MGAT4D: variants seen among roughly 807,000 people sequenced by gnomAD.
MGAT4D encodes the protein alpha-1,3-mannosyl-glycoprotein 4-beta-N-acetylglucosaminyltransferase-like protein MGAT4D.
In MGAT4D, 34 loss-of-function variants were observed where a neutral mutation model predicts 15.9. That is an observed-to-expected ratio of 2.14 (90% confidence interval 1.62 to 2.84). MGAT4D has a LOEUF of 2.84. Among genes scored for constraint, MGAT4D ranks in the 30% most tolerant of loss-of-function variants. The pLI is 0.00. For missense variants in MGAT4D, 327 were observed against 140.2 expected (o/e 2.33, Z -6.73); for synonymous variants, 112 against 48.2 (o/e 2.33, Z -5.49).
chr4:140,486,266 ATT>A (rs1733121468), intron 1 of MGAT4D, among the ~76,000 whole-genome samples: 1 of 140,316 alleles, frequency 7.1e-6, no homozygotes, highest in Non-Finnish European at 1.5e-5. Context: ...AAGGTCCCTA[ATT>A]TCATTGTTTT....
intron 4 of MGAT4D, among the ~76,000 whole-genome samples, chr4:140,474,329 G>A (rs1732172639): frequency 6.6e-6 from 1 of 152,108 alleles, no homozygotes; most frequent in Non-Finnish European, 1.5e-5. Flanking sequence ...TGTAATGCAG[G>A]TTATAAATGT....
chr4:140,449,530 C>T (rs1023860066), intron 10 of MGAT4D, among the ~76,000 whole-genome samples: 3 of 152,112 alleles, frequency 2.0e-5, no homozygotes, highest in Non-Finnish European at 4.4e-5. Flanking sequence ...GAGGCTGAGA[C>T]AGGCAGATCA....
intron 5 of MGAT4D, among the ~76,000 whole-genome samples, chr4:140,468,139 A>T (rs1731672490): frequency 6.6e-6 from 1 of 152,026 alleles, no homozygotes; most frequent in Non-Finnish European, 1.5e-5. Flanking sequence ...TATTATTCAC[A>T]TTTTAAATTA....
intron 1 of MGAT4D, among the ~76,000 whole-genome samples, chr4:140,483,804 T>G (rs1174136615): frequency 6.6e-6 from 1 of 151,968 alleles, no homozygotes; most frequent in Non-Finnish European, 1.5e-5. Context: ...AAACTGGATA[T>G]CCACATGCAG....
intron 8 of MGAT4D, chr4:140,456,927 G>A (rs951463321): frequency 3.4e-5 from 10 of 292,824 alleles, no homozygotes; most frequent in Non-Finnish European, 5.7e-5. Context: ...GAGAATATAA[G>A]CAGGTTTAGA....
chr4:140,476,605 A>C (rs1472137581), intron 3 of MGAT4D, among the ~76,000 whole-genome samples: 3 of 152,190 alleles, frequency 2.0e-5, no homozygotes, highest in Non-Finnish European at 4.4e-5. Context: ...ACAAGAATTT[A>C]AAAGGCCCTT....
rs1730368543 is a variant in MGAT4D, at chr4:140,449,929, T to C, written c.1116+1481A>G. On this transcript the variant is annotated intron_variant, in intron 10 of 10. Transcript: ENST00000511113. ...TAACTTAAAATTAAATTAATAAATA[T>C]CTGATGATTGTCTATATATTTATAC... The C allele has an allele frequency of 1.4e-5, 3 of 218,550 alleles. 1 individual carries two copies. Among genetic ancestry groups the C allele is most frequent in the South Asian group, 3.7e-4 (2 of 5,430 alleles). 13.5% of individuals were successfully genotyped at this position (218,550 alleles called of 1,614,324 possible).
intron 10 of MGAT4D, among the ~76,000 whole-genome samples, chr4:140,449,668 G>A (rs2011018): frequency 0.88 from 134,594 of 152,176 alleles, 60,340 homozygotes; most frequent in East Asian, 0.99. Flanking sequence ...GCTGAGGCAG[G>A]AGAATGGCGT....
chr4:140,449,366 ATTAAG>A lies in MGAT4D; in HGVS notation c.1116+2039_1116+2043del, dbSNP rs904727897. Among the ~76,000 whole-genome samples, 91 of 152,348 alleles carry A rather than the reference ATTAAG, an allele frequency of 6.0e-4. 1 individual carries two copies. Among genetic ancestry groups the A allele is most frequent in the East Asian group, 1.9e-4 (1 of 5,196 alleles). ...CACTAAAAAGGCATATTTTTGTTTT[ATTAAG>A]TTATTATTTTTTGAACTACAAGCTA... On this transcript the variant is annotated intron_variant, in intron 10 of 10. Coordinates refer to ENST00000511113, the MANE Select transcript of MGAT4D (RefSeq NM_001277353.2).
intron 10 of MGAT4D, among the ~76,000 whole-genome samples, chr4:140,450,282 T>A (rs567815815): frequency 2.0e-5 from 3 of 152,322 alleles, no homozygotes; most frequent in Admixed American, 1.3e-4. Flanking sequence ...TAATATGCCA[T>A]GAATTTACAA....
chr4:140,491,135 A>G (rs1328670865), intron 1 of MGAT4D, among the ~76,000 whole-genome samples: 1 of 152,236 alleles, frequency 6.6e-6, no homozygotes, highest in East Asian at 1.9e-4. Flanking sequence ...TAAATTCCAC[A>G]GGACATTTCA....
intron 1 of MGAT4D, among the ~76,000 whole-genome samples, chr4:140,487,044 T>C (rs889880535): frequency 6.6e-6 from 1 of 152,204 alleles, no homozygotes; most frequent in African/African-American, 2.4e-5. Context: ...AGAAAGAGTT[T>C]TCTCCAGAGG....
chr4:140,460,701 G>T (rs1731117986), intron 7 of MGAT4D, among the ~76,000 whole-genome samples: 1 of 152,198 alleles, frequency 6.6e-6, no homozygotes, highest in Non-Finnish European at 1.5e-5. Context: ...GTCGGGTGTT[G>T]TGGTGTGCAC....
At chr4:140,492,856 T>C (rs72941722) in intron 1 of MGAT4D, among the ~76,000 whole-genome samples, 2 of 151,950 alleles carry the variant, frequency 1.3e-5, no homozygotes, top group African/African-American at 2.4e-5. Context: ...AAAAGACACA[T>C]AATAAGTCTT....
Position 140,484,872 on chromosome 4 carries a change from G to C in MGAT4D, c.95-2387C>G, listed in dbSNP as rs2126841053. On this transcript the variant is annotated intron_variant, in intron 1 of 10. Coordinates refer to ENST00000511113, the MANE Select transcript of MGAT4D (RefSeq NM_001277353.2). ...ATGAGATACCATTTCACACCAGTTA[G>C]AATGGCGATCATTAAAAAGTCAGGA... Among the ~76,000 whole-genome samples the C allele has an allele frequency of 1.3e-5, 2 of 152,340 alleles. 1 individual carries two copies. Among genetic ancestry groups the C allele is most frequent in the Non-Finnish European group, 2.9e-5 (2 of 68,038 alleles).
At chr4:140,452,059 G>A (rs1201915639) in intron 9 of MGAT4D, among the ~76,000 whole-genome samples, 3 of 150,766 alleles carry the variant, frequency 2.0e-5, no homozygotes, top group Non-Finnish European at 4.4e-5. Context: ...AACATTTGAA[G>A]GCCAGGCACA....
Position 140,482,499 on chromosome 4 carries a change from A to C in MGAT4D, c.95-14T>G, listed in dbSNP as rs1365852050. ...TTAATTGATTATCTGCAATGAAAAC[A>C]TATGTATATATTTGTACATGTAGCA... On this transcript the variant is annotated splice_polypyrimidine_tract_variant and intron_variant, in intron 1 of 10. Transcript: ENST00000511113. 2 of 619,370 alleles carry C rather than the reference A, an allele frequency of 3.2e-6. No homozygotes were observed. The highest frequency in any genetic ancestry group is 5.7e-6 in the Non-Finnish European group (2 of 353,118). 38.4% of individuals were successfully genotyped at this position (619,370 alleles called of 1,614,324 possible).
chr4:140,450,631 G>A (rs1418144971), intron 10 of MGAT4D, among the ~76,000 whole-genome samples: 1 of 152,216 alleles, frequency 6.6e-6, no homozygotes, highest in African/African-American at 2.4e-5. Context: ...GGAGAGTCAT[G>A]AATGATGGGA....
chr4:140,446,025 T>C (rs1201965557), intron 10 of MGAT4D, among the ~76,000 whole-genome samples: 1 of 152,224 alleles, frequency 6.6e-6, no homozygotes. Context: ...GCTTACTTGA[T>C]TGTGGTCAAT....
Sources: allele counts gnomAD v4.1 joint callset (sites outside exome capture counted in the v4.1 genomes callset), GRCh38; gene constraint gnomAD v4.1.1; transcripts MANE v1.5; gene names NCBI Gene and HGNC (gene_info 2026-07-23, HGNC 2026-07-21).